Variants in PVT1 observed in about 807,000 individuals in gnomAD.
PVT1 encodes the protein Pvt1 oncogene.
intron 3 of PVT1, among the ~76,000 whole-genome samples, chr8:127,909,978 T>C (rs1815871867): frequency 6.6e-6 from 1 of 151,992 alleles, no homozygotes; most frequent in Non-Finnish European, 1.5e-5. Context: ...CTGAGATTCA[T>C]ACCTGTAGCA....
chr8:128,041,457 TA>T (rs1174681158), intron 4 of PVT1, among the ~76,000 whole-genome samples: 8 of 151,254 alleles, frequency 5.3e-5, no homozygotes, highest in African/African-American at 1.9e-4. Flanking sequence ...GTTTGGCGTG[TA>T]TATGTGTTTG....
At chr8:128,048,832 G>A (rs1267496598) in intron 4 of PVT1, among the ~76,000 whole-genome samples, 2 of 152,208 alleles carry the variant, frequency 1.3e-5, no homozygotes, top group Non-Finnish European at 2.9e-5. Flanking sequence ...GGAGAAATGT[G>A]TGGAGAGCCC....
At chr8:128,040,308 G>A (rs927472208) in intron 4 of PVT1, among the ~76,000 whole-genome samples, 21 of 152,232 alleles carry the variant, frequency 1.4e-4, no homozygotes, top group Non-Finnish European at 1.8e-4. Flanking sequence ...CTGAGGAAAT[G>A]GGAAGTGGGA....
chr8:128,090,879 C>T (rs1392522100), intron 5 of PVT1, among the ~76,000 whole-genome samples: 2 of 152,062 alleles, frequency 1.3e-5, no homozygotes, highest in Non-Finnish European at 1.5e-5. Flanking sequence ...ACATGCCCAG[C>T]GACCTTCCTG....
intron 2 of PVT1, among the ~76,000 whole-genome samples, chr8:127,890,397 C>T (rs1171422705): frequency 2.0e-5 from 3 of 152,192 alleles, no homozygotes; most frequent in Non-Finnish European, 2.9e-5. Context: ...TCCTTCGTAC[C>T]GCAGGAGAGG....
chr8:127,991,714 G>A (rs1266491920), intron 4 of PVT1, among the ~76,000 whole-genome samples: 1 of 152,174 alleles, frequency 6.6e-6, no homozygotes, highest in Non-Finnish European at 1.5e-5. Flanking sequence ...GGCAAGTGCT[G>A]GGTTTCTGAG....
intron 2 of PVT1, among the ~76,000 whole-genome samples, chr8:127,864,900 T>C (rs1378162243): frequency 6.6e-6 from 1 of 152,154 alleles, no homozygotes; most frequent in Non-Finnish European, 1.5e-5. Context: ...GAACTAGAGA[T>C]AGAGGTCCTC....
intron 4 of PVT1, among the ~76,000 whole-genome samples, chr8:128,047,521 A>G (rs538094066): frequency 7.8e-4 from 119 of 152,354 alleles, no homozygotes; most frequent in Middle Eastern, 6.8e-3. Context: ...ATTATCTTGT[A>G]AAGGACGCTA....
chr8:128,058,183 G>A (rs1340466669), intron 4 of PVT1, among the ~76,000 whole-genome samples: 1 of 152,124 alleles, frequency 6.6e-6, no homozygotes. Flanking sequence ...AGCTTGTGAT[G>A]GATCCTTCCT....
At chr8:127,913,399 C>T (rs1815934737) in intron 3 of PVT1, among the ~76,000 whole-genome samples, 1 of 152,186 alleles carries the variant, frequency 6.6e-6, no homozygotes, top group Admixed American at 6.5e-5. Flanking sequence ...CAGTATAGGC[C>T]CTCCCATGTT....
At chr8:127,827,161 A>G (rs865942464) in intron 2 of PVT1, among the ~76,000 whole-genome samples, 1 of 151,760 alleles carries the variant, frequency 6.6e-6, no homozygotes, top group South Asian at 2.1e-4. Flanking sequence ...ATGCCCAGCT[A>G]ATTTTGTGTT....
intron 4 of PVT1, among the ~76,000 whole-genome samples, chr8:128,016,102 A>G (rs1472569987): frequency 6.6e-6 from 1 of 152,088 alleles, no homozygotes; most frequent in Non-Finnish European, 1.5e-5. Flanking sequence ...ACATAGCGAA[A>G]CCCTGTCTCT....
intron 3 of PVT1, among the ~76,000 whole-genome samples, chr8:127,927,210 G>T (rs764541243): frequency 2.0e-5 from 3 of 152,208 alleles, no homozygotes; most frequent in Non-Finnish European, 4.4e-5. Flanking sequence ...TTATTGTGGG[G>T]ATCGGAAATA....
At chr8:127,822,459 C>T (rs927014430) in intron 2 of PVT1, among the ~76,000 whole-genome samples, 1 of 152,172 alleles carries the variant, frequency 6.6e-6, no homozygotes, top group Non-Finnish European at 1.5e-5. Context: ...TGCCTGTAGT[C>T]CCAGCTACTC....
At chr8:127,954,374 A>C (rs527415287) in intron 3 of PVT1, among the ~76,000 whole-genome samples, 4 of 145,788 alleles carry the variant, frequency 2.7e-5, no homozygotes, top group Admixed American at 7.2e-5. Context: ...GGTTCACTGC[A>C]ACCTCTGCTT....
intron 3 of PVT1, among the ~76,000 whole-genome samples, chr8:127,902,251 C>T (rs1015867833): frequency 2.6e-5 from 4 of 152,064 alleles, no homozygotes; most frequent in Admixed American, 6.6e-5. Context: ...CTGGGATGGT[C>T]GTTCACCCTA....
chr8:127,845,900 G>A (rs1325905243), intron 2 of PVT1, among the ~76,000 whole-genome samples: 1 of 152,146 alleles, frequency 6.6e-6, no homozygotes, highest in Non-Finnish European at 1.5e-5. Context: ...AACAAAACTC[G>A]GCGGAAAGGT....
At chr8:128,032,230 C>T (rs368449619) in intron 4 of PVT1, among the ~76,000 whole-genome samples, 8 of 152,106 alleles carry the variant, frequency 5.3e-5, no homozygotes, top group Admixed American at 6.5e-5. Context: ...TAGAAACGGT[C>T]GCAGCCCACA....
intron 2 of PVT1, among the ~76,000 whole-genome samples, chr8:127,878,022 T>G (rs1174945571): frequency 1.3e-5 from 2 of 152,198 alleles, no homozygotes; most frequent in Non-Finnish European, 1.5e-5. Flanking sequence ...AATCTTCAAG[T>G]GCAGGTCCTG....
Sources: gnomAD v4.1 joint callset for allele counts (sites outside exome capture counted in the v4.1 genomes callset) on GRCh38, gnomAD v4.1.1 for gene constraint, MANE v1.5 for transcripts, NCBI Gene and HGNC (gene_info 2026-07-23, HGNC 2026-07-21) for gene names.